Variants in MDN1 observed in about 807,000 individuals in gnomAD.
MDN1 encodes midasin AAA ATPase 1.
A neutral mutation model predicts 669.2 loss-of-function variants in MDN1; 266 were observed. That is an observed-to-expected ratio of 0.40 (90% CI 0.36 to 0.44). The LOEUF (loss-of-function observed/expected upper bound fraction) is 0.44, where lower values mean the gene tolerates loss of function less well. MDN1 is among the 20% of genes least tolerant of loss of function. The pLI is 1.00. For synonymous variants in MDN1, 2,385 were observed against 2,457.1 expected, an observed-to-expected ratio of 0.97 and a Z score of 0.87; for missense variants, 5,940 against 6,754.0, an observed-to-expected ratio of 0.88 and a Z score of 4.22.
intron 38 of MDN1, among the ~76,000 whole-genome samples, chr6:89,724,376 G>C (rs970816907): frequency 6.6e-6 from 1 of 151,790 alleles, no homozygotes; most frequent in Non-Finnish European, 1.5e-5. Context: ...TCCGCCTCCC[G>C]GGTTCAAGAG....
intron 83 of MDN1, among the ~76,000 whole-genome samples, chr6:89,670,166 ATATATTTTT>A (rs1381137241): frequency 5.6e-5 from 1 of 17,714 alleles, no homozygotes. Context: ...ATATATATAT[ATATATTTTT>A]TTTTTTTTTT....
At chr6:89,649,479 A>G (rs962041571) in intron 97 of MDN1, among the ~76,000 whole-genome samples, 2 of 152,252 alleles carry the variant, frequency 1.3e-5, no homozygotes, top group African/African-American at 4.8e-5. Context: ...ATCACTGCCC[A>G]AAACAAACAC....
At position 89,692,517 on chromosome 6, in the gene MDN1, A is replaced by G; in HGVS notation, c.10513T>C (p.Tyr3505His). Residue 3505 changes from tyrosine to histidine, a missense_variant, in exon 63 of 102, where the codon TAC (tyrosine) becomes CAC (histidine). Transcript: ENST00000369393. ...TTGCATAACACGTGGGAGCGCAGGT[A>G]AAGGAGAGCATTCATCAGCAGCTGC... Reference protein sequence around the residue: ...REQLLMNALLYLRSHVLCKGE... With the variant: ...REQLLMNALLHLRSHVLCKGE... 1 of 1,614,206 alleles carries G rather than the reference A, an allele frequency of 6.2e-7. No individual in the cohort carries two copies. The highest frequency in any genetic ancestry group is 8.5e-7 in the Non-Finnish European group (1 of 1,180,032).
chr6:89,802,765 A>G (rs968562841), intron 2 of MDN1, among the ~76,000 whole-genome samples: 1 of 152,154 alleles, frequency 6.6e-6, no homozygotes, highest in African/African-American at 2.4e-5. Context: ...GAAAGTTTTA[A>G]AAATCTTTTC....
Position 89,653,020 on chromosome 6 carries a change from T to C in MDN1, c.15797A>G (p.His5266Arg). 2 of 1,611,160 alleles carry C rather than the reference T, an allele frequency of 1.2e-6. No homozygotes were observed. The highest frequency in any genetic ancestry group is 1.7e-6 in the Non-Finnish European group (2 of 1,177,354). Reference protein sequence around the residue: ...RSRESTIHTAHQFLMDTIFQP... With the variant: ...RSRESTIHTARQFLMDTIFQP... ...GAAGATCGTGTCCATGAGGAATTGA[T>C]GAGCTGTATGAATGGTAGACTCTCG... The change falls in exon 94 of 102, where the codon CAT (histidine) becomes CGT (arginine). Residue 5266 changes from histidine to arginine, a missense_variant. Physicochemically the swap from His to Arg is conservative, Grantham distance 29 (BLOSUM62 0). Transcript: ENST00000369393.
chr6:89,709,430 C>T (rs1015418132), intron 50 of MDN1, among the ~76,000 whole-genome samples: 1 of 152,182 alleles, frequency 6.6e-6, no homozygotes, highest in African/African-American at 2.4e-5. Context: ...TGTGTTCCAA[C>T]AGAGGACAAG....
intron 73 of MDN1, among the ~76,000 whole-genome samples, chr6:89,682,699 T>TAAAAAAAAAAAAA (rs143107841): frequency 8.3e-5 from 8 of 96,892 alleles, no homozygotes; most frequent in Non-Finnish European, 1.1e-4. Context: ...GACTCTGTCT[T>TAAAAAAAAAAAAA]AAAAAAAAAA....
intron 2 of MDN1, among the ~76,000 whole-genome samples, chr6:89,795,759 C>A (rs1819558909): frequency 6.6e-6 from 1 of 151,838 alleles, no homozygotes; most frequent in Non-Finnish European, 1.5e-5. Context: ...TTCTAGACAG[C>A]TGGACCAATA....
chr6:89,650,540 C>G (rs962033759), intron 96 of MDN1, among the ~76,000 whole-genome samples, 192 bp downstream of exon 96: 12 of 152,224 alleles, frequency 7.9e-5, no homozygotes, highest in African/African-American at 2.9e-4. Context: ...GTGATCAATA[C>G]AGACACCCAG....
At chr6:89,660,247 G>A (rs941438484) in intron 88 of MDN1, among the ~76,000 whole-genome samples, 17 of 152,104 alleles carry the variant, frequency 1.1e-4, no homozygotes, top group African/African-American at 3.6e-4. Flanking sequence ...GTGCAGTGGC[G>A]AGATCATGGC....
chr6:89,679,665 G>A (rs959702680), intron 74 of MDN1, among the ~76,000 whole-genome samples: 4 of 152,188 alleles, frequency 2.6e-5, no homozygotes, highest in Admixed American at 2.0e-4. Flanking sequence ...CAAGGAGAGA[G>A]GCTTCAGAAG....
rs1206803695 is a variant in MDN1, at chr6:89,794,721, C to T, written c.410G>A (p.Arg137His). ...GAGCTTCATCCTCCTACGTCCATAG[C>T]GTACTGGATTAGCATCTGAACTCTC... is the stretch of plus-strand genomic sequence containing the variant. ...FLESSDANPV[R>H]YGRRRMKLRD... is the part of the protein sequence containing the mutation. The change falls in exon 3 of 102, where the codon CGC (arginine) becomes CAC (histidine). Residue 137 changes from arginine (R) to histidine (H), a missense_variant. Transcript: ENST00000369393. 3 of 1,614,032 alleles carry T rather than the reference C, an allele frequency of 1.9e-6. No individual in the cohort carries two copies. The highest frequency in any genetic ancestry group is 1.1e-5 in the South Asian group (1 of 91,078).
chr6:89,701,129 G>A (rs570716265), intron 55 of MDN1, among the ~76,000 whole-genome samples: 2 of 152,278 alleles, frequency 1.3e-5, no homozygotes, highest in East Asian at 1.9e-4. Flanking sequence ...CTTGTTATGT[G>A]CGGGTTCCGC....
intron 79 of MDN1, 97 bp from the exon 80 acceptor site, chr6:89,673,559 C>A: frequency 9.5e-7 from 1 of 1,048,602 alleles, no homozygotes; most frequent in South Asian, 1.4e-5. Flanking sequence ...CAAGGTAGAA[C>A]TCATCATAGC....
At chr6:89,803,890 C>CTTTCTTTTTTTTTTTTTTTTTTTTT (rs377468650) in intron 1 of MDN1, among the ~76,000 whole-genome samples, 2 of 93,224 alleles carry the variant, frequency 2.1e-5, no homozygotes, top group African/African-American at 8.2e-5. Context: ...CTTTTCTTTT[C>CTTTCTTTTTTTTTTTTTTTTTTTTT]TTTTCTTTTT....
Position 89,794,120 on chromosome 6 carries a change from T to C in MDN1, c.642A>G (p.Glu214=). ...SFLKKIFNSD[E]LIHFRLRLLE... ...CTTACCTCAACCTGAAATGGATCAA[T>C]TCATCACTATTAAATATCTTCTTAA... is the stretch of plus-strand genomic sequence containing the variant. Residue 214 remains glutamate (E), a synonymous_variant, in exon 4 of 102, where the codon GAA becomes GAG. Transcript: ENST00000369393. The C allele has an allele frequency of 1.3e-6, 2 of 1,591,958 alleles. No homozygotes were observed. The highest frequency in any genetic ancestry group is 1.2e-5 in the South Asian group (1 of 86,816).
intron 20 of MDN1, 97 bp from the exon 21 acceptor site, chr6:89,754,327 G>C: frequency 7.7e-7 from 1 of 1,293,120 alleles, no homozygotes; most frequent in Non-Finnish European, 1.1e-6. Flanking sequence ...TTTTAGATCA[G>C]AAATGATCAT....
chr6:89,772,659 C>G lies in MDN1; in HGVS notation c.1997G>C (p.Cys666Ser). ...SSVLIEQLAV[C>S]VSKGEPVLLV... ...CAACACAGGCTCCCCTTTGCTGACACACACTGCAAGCTGCTCGATGAGAAC... is the reference window on the plus strand; with the variant it reads ...CAACACAGGCTCCCCTTTGCTGACAGACACTGCAAGCTGCTCGATGAGAAC... Residue 666 changes from cysteine (C) to serine (S), a missense_variant, in exon 14 of 102, where the codon TGT becomes TCT. Cys to Ser is a moderately radical substitution (Grantham distance 112). Coordinates refer to ENST00000369393, the MANE Select transcript of MDN1 (RefSeq NM_014611.3). The G allele has an allele frequency of 6.2e-7, 1 of 1,614,150 alleles. No individual in the cohort carries two copies. The highest frequency in any genetic ancestry group is 1.1e-5 in the South Asian group (1 of 91,086).
chr6:89,682,219 G>A (rs963058544), intron 73 of MDN1, among the ~76,000 whole-genome samples: 11 of 152,216 alleles, frequency 7.2e-5, no homozygotes, highest in African/African-American at 2.4e-4. Flanking sequence ...TCATGTGGTA[G>A]CCCACAGGCA....
Sources: allele counts gnomAD v4.1 joint callset (sites outside exome capture counted in the v4.1 genomes callset), GRCh38; gene constraint gnomAD v4.1.1; transcripts MANE v1.5; gene names NCBI Gene and HGNC (gene_info 2026-07-23, HGNC 2026-07-21).